The following SLCO3A1 variants were observed in gnomAD, a reference collection of about 807,000 sequenced individuals.
SLCO3A1 encodes solute carrier organic anion transporter family member 3A1.
A neutral mutation model predicts 63.1 loss-of-function variants in SLCO3A1; 27 were observed. That is an observed-to-expected ratio of 0.43 (90% confidence interval 0.32 to 0.59). The LOEUF (loss-of-function observed/expected upper bound fraction) is 0.59, where lower values mean the gene tolerates loss of function less well. Ranked by LOEUF, SLCO3A1 falls within the 20% of genes least tolerant of loss-of-function variation. SLCO3A1 has a pLI of 0.09. For missense variants in SLCO3A1, 773 were observed against 945.8 expected, an observed-to-expected ratio of 0.82 and a Z score of 2.40; for synonymous variants, 473 against 409.9, an observed-to-expected ratio of 1.15 and a Z score of -1.86.
chr15:92,063,324 C>T (rs1018924261), intron 2 of SLCO3A1, among the ~76,000 whole-genome samples: 2 of 152,122 alleles, frequency 1.3e-5, no homozygotes, highest in Non-Finnish European at 2.9e-5. Flanking sequence ...GGGTGGAGTC[C>T]TCGGTGTAAT....
In SLCO3A1 at chr15:91,926,603, G is replaced by GCA. The variant is rs1567189410; in HGVS notation, c.646+10146_646+10147insAC. On this transcript the variant is annotated intron_variant, in intron 2 of 9. Coordinates refer to ENST00000318445, the MANE Select transcript of SLCO3A1 (RefSeq NM_013272.4). Reference sequence around the variant, plus strand: ...TGTGTGTGTGTGTGTGTGTGCGCGCGCGCACGCCCATGCTTATTTTAAACC... The same window carrying GCA: ...TGTGTGTGTGTGTGTGTGTGCGCGCGCACGCACGCCCATGCTTATTTTAAACC... 7.6e-5 allele frequency among the ~76,000 whole-genome samples: 11 copies of GCA among 145,134 alleles called. 1 individual carries two copies. In the South Asian group the frequency reaches 1.9e-3, roughly 25 times the overall value.
At chr15:91,868,538 C>T (rs1027324952) in intron 1 of SLCO3A1, among the ~76,000 whole-genome samples, 2 of 152,176 alleles carry the variant, frequency 1.3e-5, no homozygotes, top group Non-Finnish European at 2.9e-5. Context: ...AGTCTCTCTC[C>T]GTCTACCTGC....
chr15:92,122,935 A>T (rs1278028669), intron 5 of SLCO3A1, among the ~76,000 whole-genome samples: 2 of 152,192 alleles, frequency 1.3e-5, no homozygotes, highest in Non-Finnish European at 2.9e-5. Context: ...TAGTTAATTG[A>T]GGTGACAGAG....
chr15:92,115,426 A>G (rs1054119895), intron 4 of SLCO3A1, among the ~76,000 whole-genome samples: 3 of 152,140 alleles, frequency 2.0e-5, no homozygotes, highest in African/African-American at 4.8e-5. Context: ...TCTGAGGAAC[A>G]CTACACATGA....
At chr15:92,035,561 G>T (rs1409632505) in intron 2 of SLCO3A1, among the ~76,000 whole-genome samples, 1 of 151,762 alleles carries the variant, frequency 6.6e-6, no homozygotes, top group Non-Finnish European at 1.5e-5. Context: ...CTGACAACAT[G>T]AGGCTAGCTC....
intron 3 of SLCO3A1, 137 bp from the exon 4 acceptor site, chr15:92,104,142 C>A: frequency 2.1e-6 from 2 of 964,270 alleles, no homozygotes; most frequent in African/African-American, 1.6e-5. Context: ...GGCTTCGTAG[C>A]CTGGCAGCCA....
At chr15:91,857,907 C>T (rs750696871) in intron 1 of SLCO3A1, among the ~76,000 whole-genome samples, 2 of 152,112 alleles carry the variant, frequency 1.3e-5, no homozygotes, top group Non-Finnish European at 2.9e-5. Context: ...AAAGGGAGTT[C>T]CTGTGAACAA....
At chr15:92,000,207 T>A (rs1291460982) in intron 2 of SLCO3A1, among the ~76,000 whole-genome samples, 1 of 152,134 alleles carries the variant, frequency 6.6e-6, no homozygotes, top group African/African-American at 2.4e-5. Flanking sequence ...TGTGTATAGA[T>A]ATACAAAACA....
chr15:91,958,220 C>T (rs1188887018), intron 2 of SLCO3A1, among the ~76,000 whole-genome samples: 10 of 152,182 alleles, frequency 6.6e-5, no homozygotes, highest in Non-Finnish European at 2.9e-5. Context: ...TTCCAATTAT[C>T]ACTATTAGTA....
rs917061557 is a variant in SLCO3A1, at chr15:91,956,756, G to A, written c.646+40298G>A. 2.1e-5 allele frequency among the ~76,000 whole-genome samples: 3 copies of A among 146,046 alleles called. No individual in the cohort carries two copies. In the South Asian group the frequency reaches 6.5e-4, roughly 31 times the overall value. On this transcript the variant is annotated intron_variant, in intron 2 of 9. Coordinates refer to ENST00000318445, the MANE Select transcript of SLCO3A1 (RefSeq NM_013272.4). ...AAGCCCCCATGATCTCTGTTCCCTG[G>A]ACTTGCTGTGGCCTTGCCTTGCCTT... is the stretch of plus-strand genomic sequence containing the variant.
downstream of SLCO3A1, among the ~76,000 whole-genome samples, chr15:92,166,700 T>C (rs546740725): frequency 2.9e-4 from 44 of 152,326 alleles, no homozygotes; most frequent in African/African-American, 1.0e-3. Flanking sequence ...TCTCCTGTGG[T>C]TGCTAATGGA....
intron 2 of SLCO3A1, among the ~76,000 whole-genome samples, chr15:92,087,648 G>T (rs2047422871): frequency 6.7e-6 from 1 of 150,372 alleles, no homozygotes. Flanking sequence ...CCTCCTGAGT[G>T]CCTGGGATTA....
At chr15:91,896,389 A>G (rs1898005079) in intron 1 of SLCO3A1, among the ~76,000 whole-genome samples, 1 of 152,100 alleles carries the variant, frequency 6.6e-6, no homozygotes, top group Non-Finnish European at 1.5e-5. Context: ...CTGAGGTAGG[A>G]CTCCAGGTAG....
At chr15:92,016,990 G>C (rs1039289384) in intron 2 of SLCO3A1, among the ~76,000 whole-genome samples, 1 of 152,118 alleles carries the variant, frequency 6.6e-6, no homozygotes, top group African/African-American at 2.4e-5. Context: ...TTCAAAGAGA[G>C]GAGAAGAAAA....
intron 2 of SLCO3A1, among the ~76,000 whole-genome samples, chr15:91,990,658 A>G (rs2046115086): frequency 1.3e-5 from 2 of 151,882 alleles, no homozygotes; most frequent in South Asian, 4.2e-4. Context: ...AAGAAAAAAA[A>G]AAAAATCCCT....
intron 2 of SLCO3A1, among the ~76,000 whole-genome samples, chr15:91,953,678 C>T (rs1222661050): frequency 2.0e-5 from 3 of 152,080 alleles, no homozygotes; most frequent in Non-Finnish European, 4.4e-5. Context: ...GGGAATTTCC[C>T]ACCTCTGTTT....
At chr15:92,096,019 C>T (rs1384177097) in intron 3 of SLCO3A1, among the ~76,000 whole-genome samples, 1 of 152,202 alleles carries the variant, frequency 6.6e-6, no homozygotes, top group Non-Finnish European at 1.5e-5. Context: ...GCAGACATTT[C>T]TTATCATACT....
At chr15:91,918,956 C>T (rs373396054) in intron 2 of SLCO3A1, among the ~76,000 whole-genome samples, 7 of 152,184 alleles carry the variant, frequency 4.6e-5, no homozygotes, top group African/African-American at 1.4e-4. Flanking sequence ...ATGCCTAAAT[C>T]GTGACACTAT....
At chr15:92,012,544 C>T (rs2046380274) in intron 2 of SLCO3A1, among the ~76,000 whole-genome samples, 1 of 152,130 alleles carries the variant, frequency 6.6e-6, no homozygotes, top group East Asian at 1.9e-4. Flanking sequence ...TCGCTGACCA[C>T]ATTGCTCTAG....
Sources: gnomAD v4.1 joint callset for allele counts (sites outside exome capture counted in the v4.1 genomes callset) on GRCh38, gnomAD v4.1.1 for gene constraint, MANE v1.5 for transcripts, NCBI Gene and HGNC (gene_info 2026-07-23, HGNC 2026-07-21) for gene names.